KDM4C: variants seen among roughly 807,000 people sequenced by gnomAD.
KDM4C encodes the protein lysine-specific demethylase 4C.
A neutral mutation model predicts 129.3 loss-of-function variants in KDM4C; 81 were observed. The observed-to-expected ratio is 0.63, with a 90% CI of 0.52 to 0.75. The LOEUF is 0.75. Ranked by LOEUF, KDM4C falls within the 30% of genes least tolerant of loss-of-function variation. The probability of loss-of-function intolerance (pLI) is 0.00; values close to 1 mark genes in which losing one functional copy is unlikely to be tolerated. For missense variants in KDM4C, 1,457 were observed against 1,304.0 expected (o/e 1.12, Z -1.81); for synonymous variants, 573 against 456.1 (o/e 1.26, Z -3.26).
At chr9:6,980,835 G>A (rs757671227) in intron 8 of KDM4C, 90 bp from the exon 9 acceptor site, 7 of 1,072,856 alleles carry the variant, frequency 6.5e-6, no homozygotes, top group Non-Finnish European at 8.4e-6. Flanking sequence ...TAGTGACTAA[G>A]TATTCATGGA....
At chr9:7,072,214 A>G (rs960333918) in intron 17 of KDM4C, among the ~76,000 whole-genome samples, 6 of 152,178 alleles carry the variant, frequency 3.9e-5, no homozygotes, top group South Asian at 2.1e-4. Context: ...GTAATGCAAA[A>G]TGGTATAGCC....
At chr9:6,996,113 C>T (rs1250749217) in intron 12 of KDM4C, among the ~76,000 whole-genome samples, 1 of 152,232 alleles carries the variant, frequency 6.6e-6, no homozygotes, top group Non-Finnish European at 1.5e-5. Flanking sequence ...ATTAATTTCT[C>T]ATCCCTCACC....
rs577462564 is a variant in KDM4C at position 6,849,646 on chromosome 9, A to G, written c.575A>G (p.Glu192Gly). The G allele has an allele frequency of 6.2e-7, 1 of 1,613,708 alleles. No homozygotes were observed. Among genetic ancestry groups the G allele is most frequent in the African/African-American group, 1.3e-5 (1 of 75,044 alleles). The change falls in exon 5 of 22, where the codon GAA becomes GGA. Residue 192 changes from glutamate to glycine, a missense_variant. Coordinates refer to ENST00000381309, the MANE Select transcript of KDM4C (RefSeq NM_015061.6). ...MWKTTFAWHT[E>G]DMDLYSINYL... ...AAGACCACGTTTGCATGGCACACCG[A>G]AGACATGGACCTCTATAGCATTAAT...
chr9:7,126,117 TTCTTAAG>T (rs1405211874), intron 18 of KDM4C, among the ~76,000 whole-genome samples: 1 of 152,220 alleles, frequency 6.6e-6, no homozygotes, highest in East Asian at 1.9e-4. Context: ...AAGTCATTTA[TTCTTAAG>T]TCTTGTTTCC....
At position 7,067,109 on chromosome 9, in the gene KDM4C, C is replaced by G. The variant is rs566818201; in HGVS notation, c.2424+17909C>G. On this transcript the variant is annotated intron_variant, in intron 17 of 21. Coordinates refer to ENST00000381309, the MANE Select transcript of KDM4C (RefSeq NM_015061.6). ...ACTCCTTTTCCTGGCAGTCCTAGCA[C>G]TGAATATATGTGCATTTTCAGGCTT... Among the ~76,000 whole-genome samples the G allele has an allele frequency of 3.3e-4, 50 of 152,316 alleles. No individual in the cohort carries two copies. The South Asian group carries it at 6.8e-3, about 21-fold the overall frequency.
intron 8 of KDM4C, among the ~76,000 whole-genome samples, chr9:6,904,768 A>T (rs868540704): frequency 6.6e-6 from 1 of 152,212 alleles, no homozygotes; most frequent in African/African-American, 2.4e-5. Context: ...TCCTTTAGTA[A>T]TGCCTTTCTC....
intron 1 of KDM4C, among the ~76,000 whole-genome samples, chr9:6,732,750 C>T (rs769182727): frequency 3.4e-5 from 5 of 148,502 alleles, no homozygotes; most frequent in East Asian, 2.1e-4. Context: ...TGATGGCTCA[C>T]GCCTATAACT....
intron 4 of KDM4C, among the ~76,000 whole-genome samples, chr9:6,847,611 C>T (rs529635060): frequency 1.7e-3 from 254 of 152,194 alleles, no homozygotes; most frequent in African/African-American, 5.7e-3. Context: ...AGGATGGTCT[C>T]GATCTCCTGA....
chr9:7,057,418 C>T (rs1789213816), intron 17 of KDM4C, among the ~76,000 whole-genome samples: 3 of 152,196 alleles, frequency 2.0e-5, no homozygotes, highest in African/African-American at 7.2e-5. Flanking sequence ...AGAAGCCTCC[C>T]TTAGGTTGAG....
intron 15 of KDM4C, among the ~76,000 whole-genome samples, chr9:7,041,768 G>A (rs554726798): frequency 6.6e-6 from 1 of 152,154 alleles, no homozygotes; most frequent in South Asian, 2.1e-4. Context: ...TGTTTTGAGG[G>A]TGGGATTAGG....
At chr9:6,917,168 A>G (rs746852427) in intron 8 of KDM4C, among the ~76,000 whole-genome samples, 4 of 152,134 alleles carry the variant, frequency 2.6e-5, no homozygotes, top group Non-Finnish European at 4.4e-5. Flanking sequence ...CAGGAAGGAA[A>G]ATGGCTGTTG....
intron 8 of KDM4C, among the ~76,000 whole-genome samples, chr9:6,973,652 C>A (rs1832394200): frequency 6.6e-6 from 1 of 152,000 alleles, no homozygotes; most frequent in South Asian, 2.1e-4. Context: ...GTGAGAGCAC[C>A]CTTGATATAC....
chr9:6,747,596 A>C (rs1330461550), intron 1 of KDM4C, among the ~76,000 whole-genome samples: 2 of 151,828 alleles, frequency 1.3e-5, no homozygotes, highest in Non-Finnish European at 2.9e-5. Flanking sequence ...CTTTCAGGGC[A>C]ATGGAGTTTT....
chr9:7,121,209 G>T (rs1384615788), intron 18 of KDM4C, among the ~76,000 whole-genome samples: 2 of 152,120 alleles, frequency 1.3e-5, no homozygotes, highest in South Asian at 2.1e-4. Context: ...TTGGCTGAGG[G>T]GTTCTTCTGG....
At chr9:6,916,615 C>T (rs1820361061) in intron 8 of KDM4C, among the ~76,000 whole-genome samples, 1 of 152,006 alleles carries the variant, frequency 6.6e-6, no homozygotes, top group Non-Finnish European at 1.5e-5. Context: ...TTTTCTTTAT[C>T]CAGCAAATAT....
chr9:6,745,840 G>T (rs1048816467), intron 1 of KDM4C, among the ~76,000 whole-genome samples: 2 of 150,632 alleles, frequency 1.3e-5, no homozygotes, highest in South Asian at 2.1e-4. Context: ...GTGGAGTTTC[G>T]CTATTGTTGC....
At chr9:6,819,220 G>C (rs138643278) in intron 4 of KDM4C, 80 of 152,308 alleles carry the variant, frequency 5.3e-4, no homozygotes, top group African/African-American at 1.9e-3. Flanking sequence ...GTATTTGGTA[G>C]TGAAATAGCA....
Position 7,092,338 on chromosome 9 carries a change from G to C in KDM4C, c.2425-11347G>C, listed in dbSNP as rs182648300. Among the ~76,000 whole-genome samples, 395 of 152,222 alleles carry C rather than the reference G, an allele frequency of 2.6e-3. 2 individuals are homozygous for C. Among genetic ancestry groups the C allele is most frequent in the African/African-American group, 9.1e-3 (379 of 41,542 alleles). Reference sequence around the variant, plus strand: ...TGCACTCTCCTTTACTCTGCCAGGTGGGGGTAAGGGTATTGAGTTAGCCTG... The same window carrying C: ...TGCACTCTCCTTTACTCTGCCAGGTCGGGGTAAGGGTATTGAGTTAGCCTG... On this transcript the variant is annotated intron_variant, in intron 17 of 21. Transcript: ENST00000381309.
intron 8 of KDM4C, among the ~76,000 whole-genome samples, chr9:6,957,734 G>T (rs1221841057): frequency 6.6e-6 from 1 of 152,168 alleles, no homozygotes; most frequent in African/African-American, 2.4e-5. Context: ...AGCCAGGGTG[G>T]TGGGGAGGGG....
Sources: allele counts gnomAD v4.1 joint callset (sites outside exome capture counted in the v4.1 genomes callset), GRCh38; gene constraint gnomAD v4.1.1; transcripts MANE v1.5; gene names NCBI Gene and HGNC (gene_info 2026-07-23, HGNC 2026-07-21).